Variants in MPRIP observed in about 807,000 individuals in gnomAD.
MPRIP encodes myosin phosphatase Rho interacting protein, also known as myosin phosphatase Rho-interacting protein.
In MPRIP, 59 loss-of-function variants were observed where a neutral mutation model predicts 234.9. That is an observed-to-expected ratio of 0.25 (90% CI 0.20 to 0.31). The LOEUF is 0.31. Ranked by LOEUF, MPRIP falls within the 10% of genes least tolerant of loss-of-function variation. MPRIP has a pLI of 1.00. For missense variants in MPRIP, 2,436 were observed against 3,071.0 expected, an observed-to-expected ratio of 0.79 and a Z score of 4.89; for synonymous variants, 1,144 against 1,263.9, an observed-to-expected ratio of 0.91 and a Z score of 2.01.
Position 17,133,011 on chromosome 17 carries a change from A to G in MPRIP, c.504+1310A>G, listed in dbSNP as rs538108957. On this transcript the variant is annotated intron_variant, in intron 5 of 23. Coordinates refer to ENST00000651222, the MANE Select transcript of MPRIP (RefSeq NM_001364716.4). ...GTGCAGAAGCGGAGCTCCTGCCTCT[A>G]ATAAGGTAACTCCAAGTGCAGAAGC... 3.3e-5 allele frequency among the ~76,000 whole-genome samples: 5 copies of G among 152,230 alleles called. No homozygotes were observed. The East Asian group carries it at 7.7e-4, about 24-fold the overall frequency.
At chr17:17,056,124 G>A (rs1434871134) in intron 1 of MPRIP, among the ~76,000 whole-genome samples, 1 of 152,194 alleles carries the variant, frequency 6.6e-6, no homozygotes, top group Non-Finnish European at 1.5e-5. Context: ...CCAGGAGCGG[G>A]GCTGACCACC....
At chr17:17,135,138 A>T (rs1280548848) in intron 5 of MPRIP, among the ~76,000 whole-genome samples, 2 of 152,254 alleles carry the variant, frequency 1.3e-5, no homozygotes, top group Non-Finnish European at 2.9e-5. Flanking sequence ...GTTGGGGCCC[A>T]GGATGTGACC....
At position 17,190,480 on chromosome 17, in the gene MPRIP, G is replaced by A. The variant is rs1007499075; in HGVS notation, c.*5586G>A. ...GCCTGAGCTGAAGGCTAGTAATACC[G>A]TGCTGTAGGCTCTTTAAAAGGAAAG... On this transcript the variant is annotated 3_prime_UTR_variant, in exon 24 of 24. Coordinates refer to ENST00000651222, the MANE Select transcript of MPRIP (RefSeq NM_001364716.4). The A allele has an allele frequency of 1.3e-5, 2 of 152,226 alleles. No individual in the cohort carries two copies. The highest frequency in any genetic ancestry group is 4.1e-4 in the South Asian group (2 of 4,832). The allele number at this position is 152,226 out of a possible 1,614,324, so 9.4% of individuals were successfully genotyped here.
In MPRIP at chr17:17,185,870, A is replaced by C; in HGVS notation, c.*976A>C. The C allele has an allele frequency of 5.0e-6, 1 of 201,568 alleles. No individual in the cohort carries two copies. The highest frequency in any genetic ancestry group is 1.0e-5 in the Non-Finnish European group (1 of 97,910). The allele number at this position is 201,568 out of a possible 1,614,324, so 12.5% of individuals were successfully genotyped here. A position where few individuals can be genotyped will look rare whatever the true frequency, so the allele number is the denominator to read the frequency against. ...TGTCAGAATCTGATGAGAACAGCAC[A>C]TTAGTGTTTATTGAGACTCCGATCT... On this transcript the variant is annotated 3_prime_UTR_variant, in exon 24 of 24. Transcript: ENST00000651222.
intron 3 of MPRIP, among the ~76,000 whole-genome samples, chr17:17,094,908 A>C (rs1321073739): frequency 1.3e-5 from 2 of 151,910 alleles, no homozygotes; most frequent in Admixed American, 6.6e-5. Flanking sequence ...CACTGTGCCC[A>C]TCCTGGTAAT....
At chr17:17,139,819 G>A (rs954392369) in intron 7 of MPRIP, among the ~76,000 whole-genome samples, 1 of 152,226 alleles carries the variant, frequency 6.6e-6, no homozygotes, top group Non-Finnish European at 1.5e-5. Flanking sequence ...GGGAAAGGAA[G>A]GGCAGCCAAG....
At chr17:17,057,172 G>C (rs923313525) in intron 1 of MPRIP, among the ~76,000 whole-genome samples, 4 of 152,232 alleles carry the variant, frequency 2.6e-5, no homozygotes, top group Non-Finnish European at 5.9e-5. Context: ...CTGGGTGGGA[G>C]GGCTATGGGT....
Position 17,061,746 on chromosome 17 carries a change from C to T in MPRIP, c.124-13964C>T, listed in dbSNP as rs559240675. On this transcript the variant is annotated intron_variant, in intron 1 of 23. Transcript: ENST00000651222. Reference sequence around the variant, plus strand: ...GGGGTGGAGCCTGGTGTGAGGGAGCCAGCGTAGGGTTTGGGTGCCTGCCCC... The same window carrying T: ...GGGGTGGAGCCTGGTGTGAGGGAGCTAGCGTAGGGTTTGGGTGCCTGCCCC... 6.5e-4 allele frequency among the ~76,000 whole-genome samples: 99 copies of T among 152,236 alleles called. 2 individuals are homozygous for T. In the South Asian group the frequency reaches 0.018, roughly 28 times the overall value.
Position 17,188,894 on chromosome 17 carries a change from G to A in MPRIP, c.*4000G>A, listed in dbSNP as rs907209275. 6.6e-6 allele frequency: 1 copy of A among 152,228 alleles called. No individual in the cohort carries two copies. Among genetic ancestry groups the A allele is most frequent in the African/African-American group, 2.4e-5 (1 of 41,434 alleles). 9.4% of individuals were successfully genotyped at this position (152,228 alleles called of 1,614,324 possible). The stretch of plus-strand genomic sequence containing the variant: ...CAAGTAATCCTGTTTGGCCTCCTAG[G>A]TTTTGCATATGACCTGCAGCCTAAT... On this transcript the variant is annotated 3_prime_UTR_variant, in exon 24 of 24. Coordinates refer to ENST00000651222, the MANE Select transcript of MPRIP (RefSeq NM_001364716.4).
chr17:17,183,176 C>A, intron 23 of MPRIP: 1 of 152,402 alleles, frequency 6.6e-6, no homozygotes, highest in Non-Finnish European at 1.5e-5. Context: ...AATTATCAAG[C>A]TGTGACAACT....
At chr17:17,060,711 G>A (rs1567687802) in intron 1 of MPRIP, among the ~76,000 whole-genome samples, 2 of 152,166 alleles carry the variant, frequency 1.3e-5, no homozygotes, top group East Asian at 1.9e-4. Flanking sequence ...GTTCTCCCTC[G>A]GAGGCTTGGC....
In MPRIP at chr17:17,138,539, C is replaced by G. The variant is rs1207650542; in HGVS notation, c.1250+110C>G. 6.4e-6 allele frequency: 1 copy of G among 155,122 alleles called. No homozygotes were observed. The highest frequency in any genetic ancestry group is 1.4e-5 in the Non-Finnish European group (1 of 70,108). 9.6% of individuals were successfully genotyped at this position (155,122 alleles called of 1,614,324 possible). A position where few individuals can be genotyped will look rare whatever the true frequency, so the allele number is the denominator to read the frequency against. ...TCTCACATACAGTCCCCAAGCCTCC[C>G]TTGGCGGAGCATGCTTTCTGTTCAG... is the stretch of plus-strand genomic sequence containing the variant. On this transcript the variant is annotated intron_variant, in intron 7 of 23. Coordinates refer to ENST00000651222, the MANE Select transcript of MPRIP (RefSeq NM_001364716.4). This position sits in a 1 kb window ranked among gnomAD's most constrained non-coding sequence, Gnocchi z 5.8.
intron 4 of MPRIP, among the ~76,000 whole-genome samples, chr17:17,129,066 G>T (rs2090547179): frequency 6.6e-6 from 1 of 152,176 alleles, no homozygotes; most frequent in Non-Finnish European, 1.5e-5. Flanking sequence ...GGTCTTCTCT[G>T]CATAGCCCTG....
Position 17,138,317 on chromosome 17 carries a change from A to T in MPRIP, c.1138A>T (p.Arg380Trp). 2.6e-6 allele frequency: 1 copy of T among 382,006 alleles called. No individual in the cohort carries two copies. The highest frequency in any genetic ancestry group is 8.4e-5 in the South Asian group (1 of 11,848). 23.7% of individuals were successfully genotyped at this position (382,006 alleles called of 1,614,324 possible). A position where few individuals can be genotyped will look rare whatever the true frequency, so the allele number is the denominator to read the frequency against. The change falls in exon 7 of 24, where the codon AGG becomes TGG. Residue 380 changes from arginine (R) to tryptophan (W), a missense_variant. Arg to Trp is a moderately radical substitution (Grantham distance 101). Transcript: ENST00000651222. This position sits in a 1 kb window ranked among gnomAD's most constrained non-coding sequence, Gnocchi z 5.8. The part of the protein sequence containing the change: ...ATLADVPKAI[R>W]ISHREAFQVE... ...CCTGGCCGACGTCCCTAAGGCCATC[A>T]GGATCAGCCACCGAGAAGCCTTCCA...
In MPRIP at chr17:17,052,311, G is replaced by A. The variant is rs187814301; in HGVS notation, c.123+9340G>A. Among the ~76,000 whole-genome samples the A allele has an allele frequency of 7.2e-5, 11 of 152,334 alleles. 1 individual carries two copies. In the East Asian group the frequency reaches 2.1e-3, roughly 29 times the overall value. On this transcript the variant is annotated intron_variant, in intron 1 of 23. Coordinates refer to ENST00000651222, the MANE Select transcript of MPRIP (RefSeq NM_001364716.4). The stretch of plus-strand genomic sequence containing the variant: ...TGTTTGGCCCCGGGGCAGATGGGTA[G>A]TAGGGAGATTGGTATATTGCAGTGC...
intron 3 of MPRIP, among the ~76,000 whole-genome samples, chr17:17,107,781 A>G (rs1012495378): frequency 6.6e-6 from 1 of 152,156 alleles, no homozygotes; most frequent in African/African-American, 2.4e-5. Context: ...CTGGTTTGGA[A>G]TCTTAAGTTT....
rs760305448 is a variant in MPRIP, at chr17:17,165,860, G to A, written c.4269G>A (p.Ala1423=). The change falls in exon 16 of 24, where the codon GCG becomes GCA. Residue 1423 remains alanine (A), a synonymous_variant. Coordinates refer to ENST00000651222, the MANE Select transcript of MPRIP (RefSeq NM_001364716.4). The part of the protein sequence containing the change: ...EALLALHHQW[A]GTEAQLREQL... ...TGCTCGCACTGCACCACCAGTGGGC[G>A]GGCACCGAGGCCCAGCTGCGTGAGC... The A allele has an allele frequency of 8.9e-5, 116 of 1,304,058 alleles. 1 individual carries two copies. Among genetic ancestry groups the A allele is most frequent in the Admixed American group, 7.3e-4 (32 of 43,558 alleles). The allele number at this position is 1,304,058 out of a possible 1,614,324, so 80.8% of individuals were successfully genotyped here.
chr17:17,111,155 A>C (rs559860977), intron 3 of MPRIP, among the ~76,000 whole-genome samples: 16 of 145,342 alleles, frequency 1.1e-4, no homozygotes, highest in Non-Finnish European at 2.2e-4. Flanking sequence ...TAAAAAAAAA[A>C]ACCAAAAAAA....
chr17:17,076,807 C>G (rs922417924), intron 2 of MPRIP, among the ~76,000 whole-genome samples: 7 of 152,140 alleles, frequency 4.6e-5, no homozygotes, highest in Non-Finnish European at 7.3e-5. Flanking sequence ...TACAAAATTG[C>G]CATTTCCAGC....
Sources: gnomAD v4.1 joint callset for allele counts (sites outside exome capture counted in the v4.1 genomes callset) on GRCh38, gnomAD v4.1.1 for gene constraint, Gnocchi (gnomAD v3.1) non-coding constraint, MANE v1.5 for transcripts, NCBI Gene and HGNC (gene_info 2026-07-23, HGNC 2026-07-21) for gene names.